KCNC4: variants seen among roughly 807,000 people sequenced by gnomAD.
The protein encoded by KCNC4 is potassium voltage-gated channel subfamily C member 4, also known as voltage-gated potassium channel KCNC4.
A neutral mutation model predicts 42.8 loss-of-function variants in KCNC4; 23 were observed. The observed-to-expected ratio is 0.54, with a 90% CI of 0.39 to 0.76. KCNC4 has a LOEUF of 0.76. KCNC4 is among the 30% of genes least tolerant of loss of function. The pLI, the probability that KCNC4 is intolerant of heterozygous loss-of-function variation, is 0.00. For missense variants in KCNC4, 751 were observed against 898.2 expected, an observed-to-expected ratio of 0.84 and a Z score of 2.10; for synonymous variants, 422 against 393.5, an observed-to-expected ratio of 1.07 and a Z score of -0.86.
intron 1 of KCNC4, among the ~76,000 whole-genome samples, chr1:110,217,595 G>C (rs1657867447): frequency 6.6e-6 from 1 of 152,154 alleles, no homozygotes; most frequent in Admixed American, 6.5e-5. Flanking sequence ...ATTCCTTCTG[G>C]GGTAGGGACT....
At chr1:110,232,157 G>A in intron 3 of KCNC4, 1 of 1,526,874 alleles carries the variant, frequency 6.5e-7, no homozygotes, top group Non-Finnish European at 9.0e-7. Context: ...GATCCCAAAA[G>A]GGCTCTCTGA....
intron 1 of KCNC4, among the ~76,000 whole-genome samples, chr1:110,265,397 TAAAA>T (rs1659523055): frequency 8.6e-6 from 1 of 116,478 alleles, no homozygotes; most frequent in Non-Finnish European, 1.7e-5. Context: ...TAAAATAAAA[TAAAA>T]TAAAATAAAA....
chr1:110,223,243 G>T lies in KCNC4; in HGVS notation c.958G>T (p.Val320Leu). The change falls in exon 2 of 4, where the codon GTG becomes TTG. Residue 320 changes from valine to leucine, a missense_variant. Val to Leu is a conservative substitution (Grantham distance 32, BLOSUM62 1). This residue lies in a region of KCNC4 where 185 missense variants were observed against 293.7 expected (regional missense o/e 0.63). Coordinates refer to ENST00000438661, the MANE Select transcript of KCNC4 (RefSeq NM_001039574.3). The surrounding 1 kb of genome is among the most constrained non-coding windows in gnomAD (Gnocchi z 7.5). ...VKNLLNIIDF[V>L]AILPFYLEVG... ...GAACCTGCTCAACATCATCGACTTTGTGGCCATCCTGCCCTTCTACCTGGA... is the reference window on the plus strand; with the variant it reads ...GAACCTGCTCAACATCATCGACTTTTTGGCCATCCTGCCCTTCTACCTGGA... 1 of 1,614,230 alleles carries T rather than the reference G, an allele frequency of 6.2e-7. No individual in the cohort carries two copies. The highest frequency in any genetic ancestry group is 8.5e-7 in the Non-Finnish European group (1 of 1,180,034).
downstream of KCNC4, among the ~76,000 whole-genome samples, chr1:110,253,171 T>G (rs1659273493): frequency 6.6e-6 from 1 of 152,248 alleles, no homozygotes; most frequent in South Asian, 2.1e-4. Flanking sequence ...CTTGGGGCCA[T>G]GCTGACCCCA....
chr1:110,215,961 C>T (rs1657772335), intron 1 of KCNC4, among the ~76,000 whole-genome samples: 1 of 152,230 alleles, frequency 6.6e-6, no homozygotes, highest in African/African-American at 2.4e-5. Context: ...TCTTCCTCCA[C>T]TCTGCTCTTA....
intron 1 of KCNC4, among the ~76,000 whole-genome samples, chr1:110,263,653 G>A (rs1279865504): frequency 6.6e-6 from 1 of 152,058 alleles, no homozygotes; most frequent in Non-Finnish European, 1.5e-5. Flanking sequence ...CAGTTTAGAG[G>A]GTACATTTCA....
At chr1:110,236,926 T>C (rs1658920843), downstream of KCNC4, 1 of 152,212 alleles carries the variant, frequency 6.6e-6, no homozygotes. Flanking sequence ...AAAAATCTTT[T>C]TTTAATGAAA....
chr1:110,274,527 G>A (rs1659685226), intron 1 of KCNC4, among the ~76,000 whole-genome samples: 1 of 152,140 alleles, frequency 6.6e-6, no homozygotes, highest in South Asian at 2.1e-4. Context: ...AAATTCATAT[G>A]AGACCTAAAA....
chr1:110,248,555 A>T (rs7416599), exon 4 of KCNC4: 13 of 151,820 alleles, frequency 8.6e-5, no homozygotes, highest in South Asian at 6.2e-4. Context: ...TGTATTTTTT[A>T]AAAAATTATT....
intron 1 of KCNC4, among the ~76,000 whole-genome samples, chr1:110,279,947 T>C (rs12408968): frequency 0.62 from 93,621 of 151,462 alleles, 29,258 homozygotes; most frequent in African/African-American, 0.69. Context: ...GCCACTACGC[T>C]CAGTTAATTT....
At chr1:110,228,070 A>G (rs1658497012) in intron 3 of KCNC4, among the ~76,000 whole-genome samples, 1 of 152,150 alleles carries the variant, frequency 6.6e-6, no homozygotes, top group African/African-American at 2.4e-5. Context: ...GTGGCAGTTA[A>G]CATTGCCAAA....
At chr1:110,260,924 C>T (rs941452591) in intron 1 of KCNC4, among the ~76,000 whole-genome samples, 1 of 152,060 alleles carries the variant, frequency 6.6e-6, no homozygotes, top group African/African-American at 2.4e-5. Context: ...AGCGAGACTC[C>T]GTCTCAAAAA....
chr1:110,263,204 G>A (rs1189079408), intron 1 of KCNC4, among the ~76,000 whole-genome samples: 1 of 152,214 alleles, frequency 6.6e-6, no homozygotes, highest in Non-Finnish European at 1.5e-5. Flanking sequence ...CCTGAGCCCA[G>A]GAAACTGAGG....
At chr1:110,217,900 C>T (rs1657885818) in intron 1 of KCNC4, among the ~76,000 whole-genome samples, 1 of 152,170 alleles carries the variant, frequency 6.6e-6, no homozygotes, top group Non-Finnish European at 1.5e-5. Context: ...CGGGACTGCC[C>T]CACTGTCTTC....
At chr1:110,238,365 G>A (rs1658954164), downstream of KCNC4, 1 of 152,242 alleles carries the variant, frequency 6.6e-6, no homozygotes, top group Admixed American at 6.5e-5. Context: ...GCTGGTGGGG[G>A]CTAGGGCTTG....
At chr1:110,276,264 T>C (rs1486837195) in intron 1 of KCNC4, among the ~76,000 whole-genome samples, 1 of 104,716 alleles carries the variant, frequency 9.5e-6, no homozygotes, top group Admixed American at 1.2e-4. Flanking sequence ...TATATCCATG[T>C]AAAAAAAGCT....
chr1:110,240,031 GAGAA>G (rs5777006), exon 4 of KCNC4: 43,923 of 148,990 alleles, frequency 0.29, 6,883 homozygotes, highest in Non-Finnish European at 0.36. Flanking sequence ...AAGGAAGAGT[GAGAA>G]AGAAGGAAAG....
At chr1:110,276,682 C>T (rs1320195768) in intron 1 of KCNC4, among the ~76,000 whole-genome samples, 1 of 152,142 alleles carries the variant, frequency 6.6e-6, no homozygotes. Flanking sequence ...TCTTAGGAGG[C>T]TCATTGGCAT....
chr1:110,214,437 T>TC (rs753421845), intron 1 of KCNC4, among the ~76,000 whole-genome samples: 8 of 152,154 alleles, frequency 5.3e-5, no homozygotes, highest in Non-Finnish European at 1.2e-4. Context: ...CCTCACCTGC[T>TC]CCCGGGACAC....
Sources: allele counts gnomAD v4.1 joint callset (sites outside exome capture counted in the v4.1 genomes callset), GRCh38; gene constraint gnomAD v4.1.1; regional missense constraint gnomAD v4.1.1; non-coding constraint Gnocchi (gnomAD v3.1); transcripts MANE v1.5; gene names NCBI Gene and HGNC (gene_info 2026-07-23, HGNC 2026-07-21).